The following RARS2 variants were observed in gnomAD, a reference collection of about 807,000 sequenced individuals.
The protein encoded by RARS2 is probable arginine--tRNA ligase, mitochondrial.
In RARS2, 67 loss-of-function variants were observed where a neutral mutation model predicts 88.5. The observed-to-expected ratio is 0.76, with a 90% CI of 0.62 to 0.93. The LOEUF is 0.93. Among genes scored for constraint, RARS2 ranks in the 40% least tolerant of loss-of-function variants. The pLI is 0.00. For missense variants in RARS2, 664 were observed against 684.2 expected (o/e 0.97, Z 0.33); for synonymous variants, 239 against 230.3 (o/e 1.04, Z -0.34).
At chr6:87,564,051 G>A in intron 3 of RARS2, 79 bp downstream of exon 3, 1 of 1,043,182 alleles carries the variant, frequency 9.6e-7, no homozygotes. Flanking sequence ...TCACTATTAT[G>A]GCTGAGATAG....
At chr6:87,588,637 A>C (rs1461472818) in intron 1 of RARS2, among the ~76,000 whole-genome samples, 2 of 152,206 alleles carry the variant, frequency 1.3e-5, no homozygotes, top group Non-Finnish European at 2.9e-5. Flanking sequence ...GGCCTCCCAA[A>C]GTGCTGGGAT....
At chr6:87,571,575 G>A (rs757079216) in intron 1 of RARS2, among the ~76,000 whole-genome samples, 13 of 152,070 alleles carry the variant, frequency 8.5e-5, no homozygotes, top group Non-Finnish European at 1.8e-4. Context: ...ACTATACATG[G>A]CTGTAGAATT....
At chr6:87,527,794 C>T (rs1248897213) in intron 10 of RARS2, among the ~76,000 whole-genome samples, 1 of 151,622 alleles carries the variant, frequency 6.6e-6, no homozygotes, top group East Asian at 1.9e-4. Flanking sequence ...CCATTATTCT[C>T]AGTAAACTAA....
chr6:87,518,066 C>T, intron 17 of RARS2, 103 bp downstream of exon 17: 1 of 1,605,966 alleles, frequency 6.2e-7, no homozygotes, highest in Non-Finnish European at 8.5e-7. Context: ...AGTCTAGAGG[C>T]AGAAGGCAGC....
chr6:87,514,599 G>A, intron 19 of RARS2, 100 bp from the exon 20 acceptor site: 1 of 1,053,010 alleles, frequency 9.5e-7, no homozygotes, highest in East Asian at 2.5e-5. Flanking sequence ...GTTTAAAGCA[G>A]GAACAATATG....
intron 8 of RARS2, among the ~76,000 whole-genome samples, chr6:87,537,170 T>A (rs1011776333): frequency 6.6e-6 from 1 of 152,274 alleles, no homozygotes; most frequent in South Asian, 2.1e-4. Flanking sequence ...AATCTGCTAC[T>A]GGATGGCCTA....
intron 5 of RARS2, among the ~76,000 whole-genome samples, chr6:87,549,356 C>CA (rs1375963826): frequency 6.7e-6 from 1 of 149,794 alleles, no homozygotes; most frequent in Non-Finnish European, 1.5e-5. Flanking sequence ...AACTCTGTCT[C>CA]AAAAAAATAA....
chr6:87,519,774 T>G (rs1329248849), intron 13 of RARS2, 67 bp from the exon 14 acceptor site: 3 of 1,579,688 alleles, frequency 1.9e-6, no homozygotes, highest in East Asian at 4.5e-5. Flanking sequence ...ATATAATACC[T>G]TTCAGAGAGT....
In RARS2 at chr6:87,518,855, T is replaced by C. The variant is rs922879443; in HGVS notation, c.1274A>G (p.Glu425Gly). 5.0e-6 allele frequency: 8 copies of C among 1,614,066 alleles called. No homozygotes were observed. The highest frequency in any genetic ancestry group is 6.8e-6 in the Non-Finnish European group (8 of 1,179,996). Reference protein sequence around the residue: ...KELKNPQETAERVGLAALIIQ... With the variant: ...KELKNPQETAGRVGLAALIIQ... Reference sequence around the variant, plus strand: ...AATGAGTGCTGCGAGCCCGACCCTCTCTGCAGTCTCTTGTGGGTTCTTGAG... The same window carrying C: ...AATGAGTGCTGCGAGCCCGACCCTCCCTGCAGTCTCTTGTGGGTTCTTGAG... Residue 425 changes from glutamate (E) to glycine (G), a missense_variant, in exon 15 of 20, where the codon GAG (glutamate) becomes GGG (glycine). By Grantham distance (98) the Glu-to-Gly change is moderately conservative. Coordinates refer to ENST00000369536, the MANE Select transcript of RARS2 (RefSeq NM_020320.5).
intron 4 of RARS2, among the ~76,000 whole-genome samples, chr6:87,561,742 C>T (rs1436965613): frequency 6.6e-6 from 1 of 152,186 alleles, no homozygotes; most frequent in Non-Finnish European, 1.5e-5. Context: ...AGTCCGCTTG[C>T]TCCTTTATTC....
At chr6:87,521,918 T>C (rs1175457436) in intron 11 of RARS2, among the ~76,000 whole-genome samples, 3 of 152,218 alleles carry the variant, frequency 2.0e-5, no homozygotes, top group African/African-American at 7.2e-5. Flanking sequence ...TTAATGAACA[T>C]ATTTAAAATA....
intron 10 of RARS2, among the ~76,000 whole-genome samples, chr6:87,528,203 T>G (rs907201214): frequency 1.0e-4 from 14 of 133,946 alleles, no homozygotes; most frequent in African/African-American, 3.9e-4. Flanking sequence ...CAATCCACAA[T>G]AAGATATTTC....
intron 8 of RARS2, among the ~76,000 whole-genome samples, chr6:87,533,358 A>T (rs1222164680): frequency 6.6e-6 from 1 of 152,226 alleles, no homozygotes; most frequent in Admixed American, 6.5e-5. Flanking sequence ...AACTGACACT[A>T]TCAAAGAGAA....
chr6:87,559,921 G>A (rs1347917260), intron 4 of RARS2, among the ~76,000 whole-genome samples: 1 of 152,150 alleles, frequency 6.6e-6, no homozygotes, highest in Non-Finnish European at 1.5e-5. Context: ...GTTTAGACAT[G>A]TTAAGATACA....
intron 8 of RARS2, among the ~76,000 whole-genome samples, chr6:87,535,407 C>T (rs1429624930): frequency 6.6e-6 from 1 of 152,118 alleles, no homozygotes; most frequent in Non-Finnish European, 1.5e-5. Context: ...AACATTATCA[C>T]TCATTGAATC....
rs78949997 is a variant in RARS2 at position 87,587,611 on chromosome 6, T to C, written c.36+2311A>G. 7.0e-3 allele frequency among the ~76,000 whole-genome samples: 1,063 copies of C among 152,318 alleles called. 8 individuals are homozygous for C. Among genetic ancestry groups the C allele is most frequent in the African/African-American group, 0.025 (1,022 of 41,568 alleles). ...AACCAACTCTACAATGTATTGATGA[T>C]GTGGCTTTGGGTAAGTTATTTAATC... On this transcript the variant is annotated intron_variant, in intron 1 of 19. Transcript: ENST00000369536.
At chr6:87,544,409 C>T (rs1755512216) in intron 7 of RARS2, among the ~76,000 whole-genome samples, 1 of 152,234 alleles carries the variant, frequency 6.6e-6, no homozygotes, top group African/African-American at 2.4e-5. Flanking sequence ...AAGTCCACGC[C>T]TTCAAGGAAC....
At chr6:87,533,278 A>C (rs1778101944) in intron 8 of RARS2, among the ~76,000 whole-genome samples, 1 of 95,386 alleles carries the variant, frequency 1.0e-5, no homozygotes, top group African/African-American at 5.4e-5. Context: ...TAAAACAAAA[A>C]GCCCTTAAAA....
intron 1 of RARS2, among the ~76,000 whole-genome samples, chr6:87,588,345 G>A (rs56821299): frequency 7.4e-4 from 112 of 152,158 alleles, no homozygotes; most frequent in Middle Eastern, 3.4e-3. Flanking sequence ...AACTTCATGA[G>A]AAATCTATTA....
Sources: gnomAD v4.1 joint callset for allele counts (sites outside exome capture counted in the v4.1 genomes callset) on GRCh38, gnomAD v4.1.1 for gene constraint, MANE v1.5 for transcripts, NCBI Gene and HGNC (gene_info 2026-07-23, HGNC 2026-07-21) for gene names.